The following NFAT5 variants were observed in gnomAD, a reference collection of about 807,000 sequenced individuals.
NFAT5 encodes nuclear factor of activated T cells 5, also known as nuclear factor of activated T-cells 5.
NFAT5 carries 31 observed loss-of-function variants against 166.5 expected under a neutral mutation model. The observed-to-expected ratio is 0.19, with a 90% CI of 0.14 to 0.25. The LOEUF (loss-of-function observed/expected upper bound fraction) is 0.25. NFAT5 is among the 10% of genes least tolerant of loss of function. NFAT5 has a pLI of 1.00. For synonymous variants in NFAT5, 612 were observed against 639.7 expected, an observed-to-expected ratio of 0.96 and a Z score of 0.65; for missense variants, 1,449 against 1,821.8, an observed-to-expected ratio of 0.80 and a Z score of 3.72.
At chr16:69,614,611 C>T (rs895864163) in intron 2 of NFAT5, among the ~76,000 whole-genome samples, 4 of 152,244 alleles carry the variant, frequency 2.6e-5, no homozygotes, top group East Asian at 1.9e-4. Flanking sequence ...TCCTCATTGC[C>T]TCCCAATACT....
At chr16:69,602,675 G>A (rs1434175423) in intron 2 of NFAT5, among the ~76,000 whole-genome samples, 1 of 151,128 alleles carries the variant, frequency 6.6e-6, no homozygotes, top group Non-Finnish European at 1.5e-5. Context: ...CACAATCTTG[G>A]CTCACTGCAG....
chr16:69,616,328 A>C (rs183106476), intron 2 of NFAT5, among the ~76,000 whole-genome samples: 2 of 151,946 alleles, frequency 1.3e-5, no homozygotes, highest in Non-Finnish European at 2.9e-5. Context: ...AACCAACCTT[A>C]GGCAATCCTT....
chr16:69,692,925 G>A lies in NFAT5; in HGVS notation c.3100G>A (p.Asp1034Asn). The change falls in exon 13 of 15, where the codon GAC (aspartate) becomes AAC (asparagine). Residue 1034 changes from aspartate (D) to asparagine (N), a missense_variant. Asp to Asn is a conservative substitution (Grantham distance 23). Coordinates refer to ENST00000349945, the MANE Select transcript of NFAT5 (RefSeq NM_138713.4). ...QTMVQMQHSG[D>N]NQPQVNLFSS... The stretch of plus-strand genomic sequence containing the variant: ...CATGGTCCAAATGCAACATAGTGGG[G>A]ACAATCAACCTCAAGTTAACCTTTT... The A allele has an allele frequency of 1.2e-6, 2 of 1,614,162 alleles. No homozygotes were observed. The highest frequency in any genetic ancestry group is 8.5e-7 in the Non-Finnish European group (1 of 1,180,034).
At chr16:69,602,248 G>C (rs111796193) in intron 2 of NFAT5, among the ~76,000 whole-genome samples, 2,844 of 151,218 alleles carry the variant, frequency 0.019, 99 homozygotes, top group African/African-American at 0.061. Context: ...TTAAGGGAAA[G>C]TAGATAAATC....
chr16:69,653,006 A>G (rs1425992417), intron 4 of NFAT5, among the ~76,000 whole-genome samples: 1 of 152,068 alleles, frequency 6.6e-6, no homozygotes, highest in Non-Finnish European at 1.5e-5. Context: ...TTTTCTGTCA[A>G]ACATACTTTG....
At chr16:69,571,708 TGGG>T (rs796764860) in intron 2 of NFAT5, among the ~76,000 whole-genome samples, 3 of 144,556 alleles carry the variant, frequency 2.1e-5, no homozygotes, top group Non-Finnish European at 3.0e-5. Context: ...ATTTTTTTTT[TGGG>T]GGGAAACAAG....
intron 5 of NFAT5, among the ~76,000 whole-genome samples, chr16:69,655,118 T>C (rs2035825738): frequency 6.6e-6 from 1 of 152,230 alleles, no homozygotes; most frequent in Non-Finnish European, 1.5e-5. Context: ...TGTATGTATC[T>C]AGTCCGTGAA....
intron 2 of NFAT5, among the ~76,000 whole-genome samples, chr16:69,625,819 A>G (rs918199930): frequency 2.5e-4 from 38 of 152,084 alleles, no homozygotes; most frequent in African/African-American, 8.9e-4. Flanking sequence ...GTCTAGTTTT[A>G]TCCAATTTTC....
At chr16:69,649,154 G>A in intron 4 of NFAT5, 2 of 928,646 alleles carry the variant, frequency 2.2e-6, no homozygotes, top group East Asian at 1.2e-4. Context: ...GCTCTGAAAT[G>A]TAATGAATAC....
chr16:69,654,018 TGAG>T (rs1401056838), intron 5 of NFAT5, among the ~76,000 whole-genome samples: 2 of 149,974 alleles, frequency 1.3e-5, no homozygotes, highest in Non-Finnish European at 3.0e-5. Context: ...AAGAAGGAAA[TGAG>T]GAAAAAAAAA....
chr16:69,623,811 GTCTTTTTTTT>G (rs2034313589), intron 2 of NFAT5, among the ~76,000 whole-genome samples: 1 of 133,554 alleles, frequency 7.5e-6, no homozygotes, highest in Non-Finnish European at 1.6e-5. Context: ...CTGGCCTCAA[GTCTTTTTTTT>G]TCTTTTTTTT....
chr16:69,651,205 T>C (rs1487287637), intron 4 of NFAT5, among the ~76,000 whole-genome samples: 1 of 152,194 alleles, frequency 6.6e-6, no homozygotes, highest in Non-Finnish European at 1.5e-5. Flanking sequence ...TCAACAAACA[T>C]TTCTTCAGCA....
At position 69,670,120 on chromosome 16, in the gene NFAT5, G is replaced by C; in HGVS notation, c.1504+9G>C. ...CCAAGAAAATGTTTCTGGTAAGTACGCATATTTGTGGTACAGATATTTGTA... is the reference window on the plus strand; with the variant it reads ...CCAAGAAAATGTTTCTGGTAAGTACCCATATTTGTGGTACAGATATTTGTA... On this transcript the variant is annotated intron_variant, in intron 8 of 14. Transcript: ENST00000349945. 1 of 1,608,578 alleles carries C rather than the reference G, an allele frequency of 6.2e-7. No individual in the cohort carries two copies. The highest frequency in any genetic ancestry group is 1.3e-5 in the African/African-American group (1 of 74,670).
At chr16:69,663,418 T>C (rs1597497071) in intron 7 of NFAT5, among the ~76,000 whole-genome samples, 1 of 152,154 alleles carries the variant, frequency 6.6e-6, no homozygotes, top group Non-Finnish European at 1.5e-5. Context: ...TATATTATTT[T>C]GTTATGTTAT....
intron 2 of NFAT5, among the ~76,000 whole-genome samples, chr16:69,623,947 C>T (rs374576861): frequency 2.6e-5 from 4 of 151,506 alleles, no homozygotes; most frequent in Admixed American, 2.6e-4. Flanking sequence ...AACAGGGTCT[C>T]ACCATGTTGG....
intron 3 of NFAT5, among the ~76,000 whole-genome samples, chr16:69,635,023 GTTTTTT>G (rs530661389): frequency 9.5e-6 from 1 of 105,266 alleles, no homozygotes. Flanking sequence ...TGTTAGTAAA[GTTTTTT>G]TTTTTTTTTT....
chr16:69,631,247 A>G (rs2034703302), intron 3 of NFAT5, among the ~76,000 whole-genome samples: 1 of 152,156 alleles, frequency 6.6e-6, no homozygotes, highest in African/African-American at 2.4e-5. Context: ...CCTGGCCAAG[A>G]TGGTGAAACC....
chr16:69,695,411 A>G (rs1356157608), intron 14 of NFAT5, 32 bp downstream of exon 14: 1 of 1,458,842 alleles, frequency 6.9e-7, no homozygotes, highest in African/African-American at 1.4e-5. Context: ...CTTATTGAAA[A>G]GCATCAGATT....
At chr16:69,616,984 A>G (rs1265843909) in intron 2 of NFAT5, among the ~76,000 whole-genome samples, 1 of 138,850 alleles carries the variant, frequency 7.2e-6, no homozygotes, top group Non-Finnish European at 1.5e-5. Flanking sequence ...TGGCTCTGTC[A>G]CCCAGGCTGG....
Sources: allele counts gnomAD v4.1 joint callset (sites outside exome capture counted in the v4.1 genomes callset), GRCh38; gene constraint gnomAD v4.1.1; transcripts MANE v1.5; gene names NCBI Gene and HGNC (gene_info 2026-07-23, HGNC 2026-07-21).